Variants in KIAA1671 observed in about 807,000 individuals in gnomAD.
The protein encoded by KIAA1671 is uncharacterized protein KIAA1671.
A neutral mutation model predicts 131.2 loss-of-function variants in KIAA1671; 52 were observed. The ratio of observed to expected loss-of-function variants is 0.40; its 90% confidence interval spans 0.32 to 0.50. The LOEUF is 0.50. Among genes scored for constraint, KIAA1671 ranks in the 20% least tolerant of loss-of-function variants. The pLI, the probability that KIAA1671 is intolerant of heterozygous loss-of-function variation, is 0.73. For missense variants in KIAA1671, 2,360 were observed against 2,364.2 expected (o/e 1.00, Z 0.04); for synonymous variants, 1,003 against 961.6 (o/e 1.04, Z -0.80).
rs1472540010 is a variant in KIAA1671 at position 25,038,934 on chromosome 22, G to C, written c.1804G>C (p.Glu602Gln). The change falls in exon 5 of 13, where the codon GAG (glutamate) becomes CAG (glutamine). Residue 602 changes from glutamate (E) to glutamine (Q), a missense_variant. Glu to Gln is a conservative substitution (Grantham distance 29, BLOSUM62 2). Transcript: ENST00000358431. ...EAPCPSDVTP[E>Q]DDRSFQTVWA... ...CCCGTGCCCTTCTGACGTCACTCCAGAGGATGACCGGAGCTTCCAGACTGT... is the reference window on the plus strand; with the variant it reads ...CCCGTGCCCTTCTGACGTCACTCCACAGGATGACCGGAGCTTCCAGACTGT... 6.4e-7 allele frequency: 1 copy of C among 1,551,768 alleles called. No homozygotes were observed. The highest frequency in any genetic ancestry group is 8.7e-7 in the Non-Finnish European group (1 of 1,147,026).
At chr22:25,119,464 A>C (rs775617722) in intron 6 of KIAA1671, among the ~76,000 whole-genome samples, 1 of 152,246 alleles carries the variant, frequency 6.6e-6, no homozygotes, top group Non-Finnish European at 1.5e-5. Flanking sequence ...GGAATTTTTA[A>C]TTGAGTACCT....
chr22:25,117,640 C>T (rs976075881), intron 6 of KIAA1671, among the ~76,000 whole-genome samples: 2 of 150,380 alleles, frequency 1.3e-5, no homozygotes, highest in African/African-American at 4.9e-5. Context: ...CACACACAGA[C>T]ACACTGCTTC....
At chr22:25,156,595 G>T (rs2145986882) in intron 6 of KIAA1671, among the ~76,000 whole-genome samples, 1 of 152,090 alleles carries the variant, frequency 6.6e-6, no homozygotes, top group South Asian at 2.1e-4. Context: ...GTGTGCATCT[G>T]CATGTGTTTG....
intron 1 of KIAA1671, among the ~76,000 whole-genome samples, chr22:24,983,263 G>A (rs1803153917): frequency 6.6e-6 from 1 of 152,182 alleles, no homozygotes; most frequent in African/African-American, 2.4e-5. Flanking sequence ...ACTTTCTTGA[G>A]GCTAATAGTG....
chr22:25,029,287 G>A lies in KIAA1671; in HGVS notation c.1288G>A (p.Glu430Lys). 1 of 1,517,980 alleles carries A rather than the reference G, an allele frequency of 6.6e-7. No individual in the cohort carries two copies. The highest frequency in any genetic ancestry group is 8.9e-7 in the Non-Finnish European group (1 of 1,127,884). 94.0% of individuals were successfully genotyped at this position (1,517,980 alleles called of 1,614,324 possible). Residue 430 changes from glutamate (E) to lysine (K), a missense_variant, in exon 3 of 13, where the codon GAG becomes AAG. Glu to Lys is a moderately conservative substitution (Grantham distance 56). This residue lies in a region of KIAA1671 where 1,185 missense variants were observed against 1,126.2 expected (regional missense o/e 1.05). Transcript: ENST00000358431. Reference sequence around the variant, plus strand: ...GGATGGGGAGGCCGCGGCAGGGGGAGAGTGGGCCTCCAGGAGGAGTGTCAG... The same window carrying A: ...GGATGGGGAGGCCGCGGCAGGGGGAAAGTGGGCCTCCAGGAGGAGTGTCAG... ...VADGEAAAGG[E>K]WASRRSVRKC...
intron 6 of KIAA1671, among the ~76,000 whole-genome samples, chr22:25,077,435 C>T (rs1341757900): frequency 6.6e-6 from 1 of 152,148 alleles, no homozygotes; most frequent in East Asian, 1.9e-4. Flanking sequence ...GATATAATGG[C>T]AGGGACCCCC....
chr22:25,137,973 G>A (rs1436535238), intron 6 of KIAA1671, among the ~76,000 whole-genome samples: 1 of 152,202 alleles, frequency 6.6e-6, no homozygotes, highest in Non-Finnish European at 1.5e-5. Context: ...AATATGCCAA[G>A]TGAATGGCTG....
intron 1 of KIAA1671, among the ~76,000 whole-genome samples, chr22:24,959,288 T>G: frequency 6.6e-6 from 1 of 151,902 alleles, no homozygotes; most frequent in Admixed American, 6.6e-5. Flanking sequence ...GGCGGATCAC[T>G]TGAGGGCAGG....
chr22:25,102,446 T>A (rs956145106), intron 6 of KIAA1671: 6 of 152,218 alleles, frequency 3.9e-5, no homozygotes, highest in African/African-American at 1.4e-4. Context: ...ATTATTTTGT[T>A]GTTGTTGTTG....
At chr22:24,990,572 T>C (rs1284279658) in intron 1 of KIAA1671, among the ~76,000 whole-genome samples, 2 of 152,190 alleles carry the variant, frequency 1.3e-5, no homozygotes, top group Admixed American at 1.3e-4. Context: ...CCCTGGGTGG[T>C]GGTATGAGGT....
intron 1 of KIAA1671, chr22:25,023,561 A>G (rs1429870561): frequency 6.6e-6 from 1 of 152,264 alleles, no homozygotes; most frequent in South Asian, 2.1e-4. Flanking sequence ...GTTTCCCTGT[A>G]TTTTACAGCA....
At chr22:25,065,402 G>A (rs1251877294) in intron 6 of KIAA1671, among the ~76,000 whole-genome samples, 1 of 152,138 alleles carries the variant, frequency 6.6e-6, no homozygotes, top group Non-Finnish European at 1.5e-5. Flanking sequence ...CCATTCCTCA[G>A]GTGGCACATG....
At chr22:25,030,362 C>T (rs1926216059) in intron 3 of KIAA1671, among the ~76,000 whole-genome samples, 1 of 152,248 alleles carries the variant, frequency 6.6e-6, no homozygotes, top group African/African-American at 2.4e-5. Context: ...TGGTAAAACT[C>T]TGTCTCTACT....
At chr22:24,986,524 C>T (rs1215197471) in intron 1 of KIAA1671, among the ~76,000 whole-genome samples, 1 of 151,946 alleles carries the variant, frequency 6.6e-6, no homozygotes, top group Non-Finnish European at 1.5e-5. Flanking sequence ...CTGATGCAAC[C>T]ATCCTTATTT....
chr22:25,029,746 G>A (rs796236668), intron 3 of KIAA1671, among the ~76,000 whole-genome samples: 86 of 152,358 alleles, frequency 5.6e-4, no homozygotes, highest in Middle Eastern at 6.8e-3. Flanking sequence ...GGCCAGCCGG[G>A]GGGCCCGGAG....
rs113280297 is a variant in KIAA1671, at chr22:25,159,509, G to C, written c.4531-11311G>C. On this transcript the variant is annotated intron_variant, in intron 6 of 12. Coordinates refer to ENST00000358431, the MANE Select transcript of KIAA1671 (RefSeq NM_001145206.2). Reference sequence around the variant, plus strand: ...GAACTGTCAGGCCTCATCAGAACCTGTTAGCACCTTGTCATGATGTTTGTT... The same window carrying C: ...GAACTGTCAGGCCTCATCAGAACCTCTTAGCACCTTGTCATGATGTTTGTT... 7.7e-3 allele frequency among the ~76,000 whole-genome samples: 1,167 copies of C among 152,254 alleles called. 17 individuals are homozygous for C. The highest frequency in any genetic ancestry group is 0.026 in the African/African-American group (1,084 of 41,540).
Position 25,029,285 on chromosome 22 carries a change from G to A in KIAA1671, c.1286G>A (p.Gly429Glu), listed in dbSNP as rs1926134798. The A allele has an allele frequency of 6.6e-7, 1 of 1,516,264 alleles. No homozygotes were observed. 93.9% of individuals were successfully genotyped at this position (1,516,264 alleles called of 1,614,324 possible). The change falls in exon 3 of 13, where the codon GGA (glycine) becomes GAA (glutamate). Residue 429 changes from glycine to glutamate, a missense_variant. Gly to Glu is a moderately conservative substitution (Grantham distance 98, BLOSUM62 -2). Coordinates refer to ENST00000358431, the MANE Select transcript of KIAA1671 (RefSeq NM_001145206.2). ...GCGGATGGGGAGGCCGCGGCAGGGG[G>A]AGAGTGGGCCTCCAGGAGGAGTGTC... The part of the protein sequence containing the change: ...RVADGEAAAG[G>E]EWASRRSVRK...
intron 1 of KIAA1671, among the ~76,000 whole-genome samples, chr22:24,975,175 C>G (rs1211723941): frequency 2.6e-5 from 4 of 152,228 alleles, no homozygotes; most frequent in Admixed American, 6.5e-5. Flanking sequence ...CACTAATCTA[C>G]TTTCTCTATG....
intron 1 of KIAA1671, among the ~76,000 whole-genome samples, chr22:25,008,772 C>T (rs1046577928): frequency 2.0e-5 from 3 of 152,222 alleles, no homozygotes; most frequent in African/African-American, 7.2e-5. Context: ...GGGCCCAGCA[C>T]TTACAGATCT....
Sources: allele counts gnomAD v4.1 joint callset (sites outside exome capture counted in the v4.1 genomes callset), GRCh38; gene constraint gnomAD v4.1.1; regional missense constraint gnomAD v4.1.1; transcripts MANE v1.5; gene names NCBI Gene and HGNC (gene_info 2026-07-23, HGNC 2026-07-21).